PER3: variants seen among roughly 807,000 people sequenced by gnomAD.
The protein encoded by PER3 is period circadian regulator 3.
Under a neutral mutation model 127.2 loss-of-function variants are expected in PER3, and 107 were observed. That is an observed-to-expected ratio of 0.84 (90% confidence interval 0.72 to 0.99). PER3 has a LOEUF of 0.99. PER3 is among the 50% of genes least tolerant of loss of function. The pLI is 0.00. For missense variants in PER3, 1,560 were observed against 1,525.8 expected, an observed-to-expected ratio of 1.02 and a Z score of -0.37; for synonymous variants, 618 against 585.8, an observed-to-expected ratio of 1.05 and a Z score of -0.79.
intron 9 of PER3, 103 bp from the exon 10 acceptor site, chr1:7,803,589 A>C: frequency 2.6e-6 from 2 of 783,922 alleles, no homozygotes; most frequent in Non-Finnish European, 4.0e-6. Flanking sequence ...CTCAATCTCA[A>C]AAAAAACCAC....
chr1:7,828,576 A>G (rs1334860354), intron 18 of PER3, among the ~76,000 whole-genome samples: 1 of 152,256 alleles, frequency 6.6e-6, no homozygotes, highest in Non-Finnish European at 1.5e-5. Flanking sequence ...TCAAGAAAAT[A>G]TGCTCACTTT....
rs1314957524 is a variant in PER3, at chr1:7,829,848, C to T, written c.2901C>T (p.Gly967=). ...TTACTTTCTAGCAGTGTGTTACAGG[C>T]AACAATGGCAGTGAGAGCAGTCCTG... ...CPQTEYQCVT[G]NNGSESSPAT... Residue 967 remains glycine, a synonymous_variant, in exon 19 of 22, where the codon GGC becomes GGT. Coordinates refer to ENST00000377532, the MANE Select transcript of PER3 (RefSeq NM_001377275.1). 4.3e-6 allele frequency: 7 copies of T among 1,613,540 alleles called. No individual in the cohort carries two copies. Among genetic ancestry groups the T allele is most frequent in the Non-Finnish European group, 4.2e-6 (5 of 1,179,512 alleles).
At chr1:7,794,048 A>G in intron 6 of PER3, 40 bp downstream of exon 6, 2 of 1,520,886 alleles carry the variant, frequency 1.3e-6, no homozygotes, top group South Asian at 2.2e-5. Context: ...ACAGTGGATT[A>G]TGTTCTGAGT....
intron 5 of PER3, among the ~76,000 whole-genome samples, chr1:7,789,147 A>G (rs10864314): frequency 3.1e-5 from 4 of 127,926 alleles, no homozygotes; most frequent in Admixed American, 7.6e-5. Flanking sequence ...TAAAATATAT[A>G]TATATATATA....
chr1:7,794,015 A>C lies in PER3; in HGVS notation c.644+7A>C. ...CTTTTTTCTGCAGGATCCGGTAAGT[A>C]TAGTGGCTCGTGGAAGCCAGCAACA... On this transcript the variant is annotated splice_region_variant and intron_variant, in intron 6 of 21. Transcript: ENST00000377532. 1 of 1,611,600 alleles carries C rather than the reference A, an allele frequency of 6.2e-7. No homozygotes were observed. The highest frequency in any genetic ancestry group is 8.5e-7 in the Non-Finnish European group (1 of 1,177,682).
intron 4 of PER3, chr1:7,787,169 T>C: frequency 2.0e-6 from 1 of 494,298 alleles, no homozygotes; most frequent in Non-Finnish European, 2.8e-6. Flanking sequence ...AATCTCCGAA[T>C]TGTTAATTTC....
At chr1:7,822,699 A>G (rs563305409) in intron 16 of PER3, among the ~76,000 whole-genome samples, 1 of 152,190 alleles carries the variant, frequency 6.6e-6, no homozygotes, top group African/African-American at 2.4e-5. Context: ...CAAACCAAAT[A>G]AGATAATAGC....
At chr1:7,808,361 T>A (rs1417796925) in intron 10 of PER3, among the ~76,000 whole-genome samples, 1 of 152,150 alleles carries the variant, frequency 6.6e-6, no homozygotes, top group Non-Finnish European at 1.5e-5. Flanking sequence ...ATTCACTGTA[T>A]TCAGGTCATA....
At chr1:7,830,205 C>T (rs749958893) in intron 19 of PER3, 44 bp downstream of exon 19, 1 of 1,501,204 alleles carries the variant, frequency 6.7e-7, no homozygotes, top group Admixed American at 1.7e-5. Flanking sequence ...CAATGCCAGA[C>T]ATTCACTATG....
At chr1:7,827,847 A>G (rs372566726) in intron 18 of PER3, 32 bp downstream of exon 18, 2 of 1,515,224 alleles carry the variant, frequency 1.3e-6, no homozygotes, top group Non-Finnish European at 1.8e-6. Context: ...CACTCAAGTG[A>G]GAAAGTGAAT....
At chr1:7,798,699 A>G (rs2097156802) in intron 7 of PER3, 26 bp downstream of exon 7, 1 of 1,592,370 alleles carries the variant, frequency 6.3e-7, no homozygotes, top group Admixed American at 1.7e-5. Flanking sequence ...AGATGCAGAA[A>G]TGTCAGCAAT....
At chr1:7,821,928 T>C (rs1415107564) in intron 16 of PER3, among the ~76,000 whole-genome samples, 1 of 152,234 alleles carries the variant, frequency 6.6e-6, no homozygotes, top group Non-Finnish European at 1.5e-5. Flanking sequence ...CAAATGCATT[T>C]CCTTGCAAGT....
chr1:7,803,119 A>G lies in PER3; in HGVS notation c.945A>G (p.Glu315=), dbSNP rs762565403. ...GTSILSYLHP[E]DRSLMVAIHQ... ...CGATCCTAAGCTACCTGCACCCTGA[A>G]GATCGTTCTCTGATGGTTGCCATAC... Residue 315 remains glutamate (E), a synonymous_variant, in exon 9 of 22, where the codon GAA becomes GAG. Transcript: ENST00000377532. The G allele has an allele frequency of 6.2e-7, 1 of 1,613,096 alleles. No individual in the cohort carries two copies. Among genetic ancestry groups the G allele is most frequent in the Admixed American group, 1.7e-5 (1 of 60,018 alleles).
intron 13 of PER3, among the ~76,000 whole-genome samples, chr1:7,814,839 T>G (rs2097239697): frequency 1.3e-5 from 2 of 152,214 alleles, no homozygotes; most frequent in South Asian, 4.1e-4. Flanking sequence ...ATACTGTATT[T>G]GAAACAGTAT....
At chr1:7,802,913 G>C (rs2097176572) in intron 8 of PER3, 134 bp from the exon 9 acceptor site, 1 of 669,202 alleles carries the variant, frequency 1.5e-6, no homozygotes, top group African/African-American at 1.8e-5. Flanking sequence ...GTTCTTTGCT[G>C]TTTTTATAAA....
At chr1:7,806,810 AAAATATAT>A (rs1040279219) in intron 10 of PER3, among the ~76,000 whole-genome samples, 1 of 75,278 alleles carries the variant, frequency 1.3e-5, no homozygotes, top group African/African-American at 5.2e-5. Flanking sequence ...AAAAAAAAAA[AAAATATAT>A]ATATATATAT....
intron 4 of PER3, 40 bp from the exon 5 acceptor site, chr1:7,788,005 G>A (rs926792047): frequency 7.3e-7 from 1 of 1,377,140 alleles, no homozygotes; most frequent in Non-Finnish European, 1.0e-6. Context: ...TTGCTAGTGA[G>A]TATCTCAATA....
At chr1:7,837,499 T>C (rs541345072) in intron 21 of PER3, among the ~76,000 whole-genome samples, 15 of 152,358 alleles carry the variant, frequency 9.8e-5, no homozygotes, top group African/African-American at 3.4e-4. Flanking sequence ...GTATTTCAAA[T>C]ATGTCTGCAT....
At position 7,838,165 on chromosome 1, in the gene PER3, TA is replaced by T. The variant is rs372282899; in HGVS notation, c.3549+1017del. ...AGTAAGCAAGACAATGAAATCCTAC[TA>T]CCCCCTCTTTTTAAAAACTAACATT... On this transcript the variant is annotated intron_variant, in intron 21 of 21. Transcript: ENST00000377532. 1.4e-3 allele frequency among the ~76,000 whole-genome samples: 220 copies of T among 152,310 alleles called. 1 individual carries two copies. The highest frequency in any genetic ancestry group is 0.01 in the Middle Eastern group (3 of 294).
Sources: gnomAD v4.1 joint callset for allele counts (sites outside exome capture counted in the v4.1 genomes callset) on GRCh38, gnomAD v4.1.1 for gene constraint, MANE v1.5 for transcripts, NCBI Gene and HGNC (gene_info 2026-07-23, HGNC 2026-07-21) for gene names.